Variants in PRKN observed in about 807,000 individuals in gnomAD.
PRKN encodes the protein E3 ubiquitin-protein ligase parkin.
PRKN carries 56 observed loss-of-function variants against 59.5 expected under a neutral mutation model. The ratio of observed to expected loss-of-function variants is 0.94; its 90% confidence interval spans 0.76 to 1.18. The LOEUF (loss-of-function observed/expected upper bound fraction) is 1.18, where lower values mean the gene tolerates loss of function less well. PRKN is among the 50% of genes most tolerant of loss of function. The pLI, the probability that PRKN is intolerant of heterozygous loss-of-function variation, is 0.00. For missense variants in PRKN, 657 were observed against 596.4 expected, an observed-to-expected ratio of 1.10 and a Z score of -1.06; for synonymous variants, 250 against 222.1, an observed-to-expected ratio of 1.13 and a Z score of -1.12.
chr6:161,410,623 G>A lies in PRKN; in HGVS notation c.1084-23746C>T, dbSNP rs924437826. 3.0e-4 allele frequency among the ~76,000 whole-genome samples: 46 copies of A among 152,086 alleles called. No homozygotes were observed. Among genetic ancestry groups the A allele is most frequent in the African/African-American group, 1.1e-3 (46 of 41,376 alleles). On this transcript the variant is annotated intron_variant, in intron 9 of 11. Coordinates refer to ENST00000366898, the MANE Select transcript of PRKN (RefSeq NM_004562.3). The surrounding 1 kb of genome is among the most constrained non-coding windows in gnomAD (Gnocchi z 5.3). Reference sequence around the variant, plus strand: ...TATTTCCTCCATTCTGGTGCTCATCGTGGGCCATGCGTTGGTTACAAGGAA... The same window carrying A: ...TATTTCCTCCATTCTGGTGCTCATCATGGGCCATGCGTTGGTTACAAGGAA...
intron 7 of PRKN, among the ~76,000 whole-genome samples, chr6:161,676,073 G>A (rs962627422): frequency 6.6e-5 from 10 of 152,166 alleles, no homozygotes; most frequent in Non-Finnish European, 2.9e-5. Context: ...CAGTGACTAC[G>A]ATTCCTAAAC....
chr6:161,875,975 A>G (rs1056655138), intron 6 of PRKN, among the ~76,000 whole-genome samples: 2 of 152,132 alleles, frequency 1.3e-5, no homozygotes, highest in African/African-American at 2.4e-5. Context: ...ATTCCCAGGT[A>G]GTGAAAGACT....
chr6:162,198,310 G>C (rs1489163633), intron 4 of PRKN, among the ~76,000 whole-genome samples: 1 of 151,984 alleles, frequency 6.6e-6, no homozygotes, highest in Non-Finnish European at 1.5e-5. Context: ...GCTGGGCCTG[G>C]GGAGCAGGGT....
At chr6:161,773,326 C>G (rs1789774457) in intron 7 of PRKN, among the ~76,000 whole-genome samples, 1 of 152,204 alleles carries the variant, frequency 6.6e-6, no homozygotes, top group African/African-American at 2.4e-5. Flanking sequence ...AGAATCCTCC[C>G]AGCCTCAGGA....
intron 5 of PRKN, among the ~76,000 whole-genome samples, chr6:162,025,687 C>G (rs1783407737): frequency 1.4e-5 from 2 of 142,472 alleles, no homozygotes; most frequent in South Asian, 2.3e-4. Flanking sequence ...CTCCCAGGTT[C>G]AAGCGATTCT....
intron 2 of PRKN, among the ~76,000 whole-genome samples, chr6:162,276,510 ACTTT>A (rs1277799957): frequency 2.0e-5 from 3 of 152,120 alleles, no homozygotes; most frequent in Admixed American, 6.6e-5. Context: ...TATTCTTAGA[ACTTT>A]CTATTTAAAA....
intron 1 of PRKN, among the ~76,000 whole-genome samples, chr6:162,685,898 C>T (rs1779953307): frequency 2.0e-5 from 3 of 152,108 alleles, no homozygotes; most frequent in Admixed American, 1.3e-4. Flanking sequence ...TCTCTCTTCG[C>T]CCATCATTAA....
rs1303731195 is a variant in PRKN at position 162,235,945 on chromosome 6, G to GAAA, written c.412+26579_412+26580insTTT. Among the ~76,000 whole-genome samples, 159 of 77,916 alleles carry GAAA rather than the reference G, an allele frequency of 2.0e-3. 3 individuals are homozygous for GAAA. Among genetic ancestry groups the GAAA allele is most frequent in the Middle Eastern group, 5.7e-3 (1 of 176 alleles). The allele number at this position is 77,916 out of a possible 152,430, so 51.1% of individuals were successfully genotyped here. On this transcript the variant is annotated intron_variant, in intron 3 of 11. Transcript: ENST00000366898. ...AGGAAGGAAGGAAGGAAGGAAGGAAGGAAGGAAGAAAGGAAGAAAGAAAGA... is the reference window on the plus strand; with the variant it reads ...AGGAAGGAAGGAAGGAAGGAAGGAAGAAAGAAGGAAGAAAGGAAGAAAGAAAGA...
chr6:162,626,336 C>T (rs574797947), intron 1 of PRKN, among the ~76,000 whole-genome samples: 78 of 152,262 alleles, frequency 5.1e-4, no homozygotes, highest in African/African-American at 1.8e-3. Flanking sequence ...AAACACAAGA[C>T]CTCTCAGGGA....
chr6:162,466,775 C>CT (rs529932532), intron 1 of PRKN, among the ~76,000 whole-genome samples: 4 of 152,080 alleles, frequency 2.6e-5, no homozygotes, highest in Middle Eastern at 3.4e-3. Flanking sequence ...ACAGATACCA[C>CT]TATGCTCTTT....
intron 1 of PRKN, among the ~76,000 whole-genome samples, chr6:162,583,761 A>C (rs1165439821): frequency 6.6e-6 from 1 of 152,212 alleles, no homozygotes; most frequent in Non-Finnish European, 1.5e-5. Flanking sequence ...AAAATTACCA[A>C]ATAGCAAATG....
At chr6:162,681,641 A>G (rs1779772963) in intron 1 of PRKN, among the ~76,000 whole-genome samples, 1 of 152,146 alleles carries the variant, frequency 6.6e-6, no homozygotes, top group Non-Finnish European at 1.5e-5. Flanking sequence ...ATAGAAGTGC[A>G]ACTTTGAAAC....
At chr6:161,792,629 G>A (rs942336505) in intron 6 of PRKN, among the ~76,000 whole-genome samples, 1 of 152,182 alleles carries the variant, frequency 6.6e-6, no homozygotes. Context: ...AGAGAGTCTT[G>A]CAATTTAGCT....
In PRKN at chr6:162,344,589, T is replaced by A. The variant is rs910315278; in HGVS notation, c.172-81824A>T. Reference sequence around the variant, plus strand: ...GAGGTCTGGCCTGGCCCTTGTCCATTCTGAAGGTTGAGAGAAAAATGGCGT... The same window carrying A: ...GAGGTCTGGCCTGGCCCTTGTCCATACTGAAGGTTGAGAGAAAAATGGCGT... On this transcript the variant is annotated intron_variant, in intron 2 of 11. Coordinates refer to ENST00000366898, the MANE Select transcript of PRKN (RefSeq NM_004562.3). Among the ~76,000 whole-genome samples the A allele has an allele frequency of 1.0e-3, 154 of 150,482 alleles. 1 individual carries two copies. Among genetic ancestry groups the A allele is most frequent in the African/African-American group, 3.6e-3 (145 of 40,666 alleles).
At chr6:161,452,864 C>T (rs549375634) in intron 9 of PRKN, among the ~76,000 whole-genome samples, 112 of 151,722 alleles carry the variant, frequency 7.4e-4, no homozygotes, top group Middle Eastern at 3.4e-3. Flanking sequence ...TTCTCTCTCT[C>T]TCTCTCTCTA....
intron 7 of PRKN, among the ~76,000 whole-genome samples, chr6:161,776,228 T>C (rs868792813): frequency 2.2e-4 from 34 of 152,188 alleles, no homozygotes; most frequent in African/African-American, 7.2e-4. Context: ...GGGTGAGTGC[T>C]ACTCAGTTTT....
intron 2 of PRKN, among the ~76,000 whole-genome samples, chr6:162,359,007 C>T (rs896315975): frequency 6.9e-6 from 1 of 144,962 alleles, no homozygotes; most frequent in African/African-American, 2.6e-5. Context: ...TTGCAGTGAG[C>T]CGAGATTGTG....
chr6:162,067,544 C>A (rs188552750), intron 4 of PRKN, among the ~76,000 whole-genome samples: 32 of 152,140 alleles, frequency 2.1e-4, no homozygotes, highest in Non-Finnish European at 4.0e-4. Context: ...ACCATAAAAC[C>A]CAAACTTTTA....
At chr6:162,017,667 G>A (rs1247058816) in intron 5 of PRKN, among the ~76,000 whole-genome samples, 3 of 152,210 alleles carry the variant, frequency 2.0e-5, no homozygotes, top group Non-Finnish European at 2.9e-5. Context: ...ATGGGCTTTT[G>A]TATCTAATTA....
Sources: allele counts gnomAD v4.1 joint callset (sites outside exome capture counted in the v4.1 genomes callset), GRCh38; gene constraint gnomAD v4.1.1; non-coding constraint Gnocchi (gnomAD v3.1); transcripts MANE v1.5; gene names NCBI Gene and HGNC (gene_info 2026-07-23, HGNC 2026-07-21).